DLGAP1: variants seen among roughly 807,000 people sequenced by gnomAD.
DLGAP1 encodes the protein disks large-associated protein 1.
In DLGAP1, 11 loss-of-function variants were observed where a neutral mutation model predicts 90.8. The observed-to-expected ratio is 0.12, with a 90% CI of 0.08 to 0.20. The LOEUF (loss-of-function observed/expected upper bound fraction) is 0.20, where lower values mean the gene tolerates loss of function less well. DLGAP1 is among the 10% of genes least tolerant of loss of function. The pLI, the probability that DLGAP1 is intolerant of heterozygous loss-of-function variation, is 1.00. For synonymous variants in DLGAP1, 558 were observed against 540.7 expected (o/e 1.03, Z -0.44); for missense variants, 1,050 against 1,333.8 (o/e 0.79, Z 3.31).
At chr18:4,225,863 A>C (rs1286041022) in intron 1 of DLGAP1, among the ~76,000 whole-genome samples, 1 of 152,132 alleles carries the variant, frequency 6.6e-6, no homozygotes, top group Non-Finnish European at 1.5e-5. Context: ...ACAGAGAGAG[A>C]GAGATAGAGG....
chr18:4,415,179 C>A (rs1055861299), intron 1 of DLGAP1, among the ~76,000 whole-genome samples: 1 of 152,018 alleles, frequency 6.6e-6, no homozygotes, highest in East Asian at 1.9e-4. Flanking sequence ...GCACCCAGAG[C>A]AAACACTTGT....
At chr18:3,500,483 A>G (rs1160036202) in intron 12 of DLGAP1, among the ~76,000 whole-genome samples, 1 of 152,206 alleles carries the variant, frequency 6.6e-6, no homozygotes, top group Non-Finnish European at 1.5e-5. Flanking sequence ...CTTAACACCA[A>G]TGCTCAGCAC....
At chr18:4,409,352 G>A (rs12458302) in intron 1 of DLGAP1, among the ~76,000 whole-genome samples, 65,734 of 151,896 alleles carry the variant, frequency 0.43, 15,467 homozygotes, top group East Asian at 0.61. Flanking sequence ...AACTTCCTAT[G>A]TGGAAGGCAG....
chr18:3,772,415 T>C (rs2064714445), intron 5 of DLGAP1, among the ~76,000 whole-genome samples: 2 of 91,616 alleles, frequency 2.2e-5, no homozygotes, highest in Non-Finnish European at 4.4e-5. Context: ...TTTCTCTTTC[T>C]TTCTTTCCTT....
chr18:4,347,150 T>C (rs988103413), intron 1 of DLGAP1, among the ~76,000 whole-genome samples: 13 of 152,036 alleles, frequency 8.6e-5, no homozygotes, highest in Admixed American at 6.6e-5. Flanking sequence ...ATTGACTCCA[T>C]TAATGGAGAA....
At chr18:3,739,375 C>T (rs562054449) in intron 6 of DLGAP1, among the ~76,000 whole-genome samples, 1 of 144,130 alleles carries the variant, frequency 6.9e-6, no homozygotes, top group Non-Finnish European at 1.5e-5. Flanking sequence ...TGGAACCAAC[C>T]CAAATGTCCA....
intron 1 of DLGAP1, among the ~76,000 whole-genome samples, chr18:4,413,664 C>A (rs537123358): frequency 6.6e-6 from 1 of 152,292 alleles, no homozygotes; most frequent in East Asian, 1.9e-4. Flanking sequence ...TTCCATAAAG[C>A]TCAAACATAG....
chr18:3,977,434 G>GTTTTT lies in DLGAP1; in HGVS notation c.-73+27677_-73+27681dup, dbSNP rs58599574. ...AGTTAATGAATTATGTTTATTCTGT[G>GTTTTT]TTTTTTTTTTTTTTTTTTTTGCTGA... On this transcript the variant is annotated intron_variant, in intron 3 of 12. Coordinates refer to ENST00000315677, the MANE Select transcript of DLGAP1 (RefSeq NM_004746.4). 7.6e-3 allele frequency among the ~76,000 whole-genome samples: 727 copies of GTTTTT among 95,256 alleles called. 33 individuals are homozygous for GTTTTT. Among genetic ancestry groups the GTTTTT allele is most frequent in the East Asian group, 0.01 (32 of 3,104 alleles). The allele number at this position is 95,256 out of a possible 152,430, so 62.5% of individuals were successfully genotyped here.
intron 4 of DLGAP1, among the ~76,000 whole-genome samples, chr18:3,830,502 G>A (rs2148551701): frequency 6.6e-6 from 1 of 152,298 alleles, no homozygotes; most frequent in African/African-American, 2.4e-5. Context: ...GGAGGCGGAG[G>A]TTGCAGGGAG....
chr18:4,174,701 T>A (rs777111620), intron 1 of DLGAP1, among the ~76,000 whole-genome samples: 5 of 152,184 alleles, frequency 3.3e-5, no homozygotes, highest in Non-Finnish European at 5.9e-5. Context: ...GTTTGTTACA[T>A]AGGTATACAC....
At chr18:3,712,435 T>A (rs1024508361) in intron 7 of DLGAP1, among the ~76,000 whole-genome samples, 2 of 152,182 alleles carry the variant, frequency 1.3e-5, no homozygotes, top group African/African-American at 4.8e-5. Flanking sequence ...CACTGGAAAG[T>A]CTCACCTGGG....
At chr18:4,014,620 C>T (rs774405150) in intron 2 of DLGAP1, among the ~76,000 whole-genome samples, 1 of 152,158 alleles carries the variant, frequency 6.6e-6, no homozygotes, top group Non-Finnish European at 1.5e-5. Flanking sequence ...CTGATTTGAT[C>T]ATTACACATT....
chr18:3,820,955 T>C (rs545456145), intron 4 of DLGAP1, among the ~76,000 whole-genome samples: 21 of 152,352 alleles, frequency 1.4e-4, no homozygotes, highest in African/African-American at 5.1e-4. Flanking sequence ...TTGTATGAAA[T>C]AGGCATTACT....
At chr18:3,962,266 A>C (rs2073215535) in intron 3 of DLGAP1, 1 of 152,176 alleles carries the variant, frequency 6.6e-6, no homozygotes, top group Non-Finnish European at 1.5e-5. Context: ...CATCGGGTAA[A>C]CTTTGTCCAA....
chr18:3,797,234 G>A (rs2148288549), intron 5 of DLGAP1, among the ~76,000 whole-genome samples: 1 of 152,116 alleles, frequency 6.6e-6, no homozygotes, highest in South Asian at 2.1e-4. Context: ...CAGGAGGCAG[G>A]GGAATTGCTT....
At chr18:3,926,441 C>T (rs1291835571) in intron 3 of DLGAP1, among the ~76,000 whole-genome samples, 3 of 150,754 alleles carry the variant, frequency 2.0e-5, no homozygotes, top group Non-Finnish European at 4.4e-5. Context: ...CACACACACA[C>T]ACACATGCAT....
chr18:4,194,562 A>T (rs2077459433), intron 1 of DLGAP1, among the ~76,000 whole-genome samples: 1 of 152,124 alleles, frequency 6.6e-6, no homozygotes, highest in African/African-American at 2.4e-5. Context: ...GAGTGTACGT[A>T]TTTTTTTCAA....
At chr18:3,592,065 G>T (rs1484388752) in intron 7 of DLGAP1, among the ~76,000 whole-genome samples, 1 of 152,152 alleles carries the variant, frequency 6.6e-6, no homozygotes, top group Non-Finnish European at 1.5e-5. Context: ...ATGATAATGA[G>T]TGAAATTTAG....
chr18:4,246,094 T>C (rs2145161338), intron 1 of DLGAP1, among the ~76,000 whole-genome samples: 1 of 152,300 alleles, frequency 6.6e-6, no homozygotes, highest in Admixed American at 6.5e-5. Flanking sequence ...TGTTTATTCC[T>C]ATTAAAGTAT....
Sources: gnomAD v4.1 joint callset for allele counts (sites outside exome capture counted in the v4.1 genomes callset) on GRCh38, gnomAD v4.1.1 for gene constraint, MANE v1.5 for transcripts, NCBI Gene and HGNC (gene_info 2026-07-23, HGNC 2026-07-21) for gene names.